The following FRMPD2 variants were observed in gnomAD, a reference collection of about 807,000 sequenced individuals.
FRMPD2 encodes FERM and PDZ domain-containing protein 2.
Under a neutral mutation model 140.1 loss-of-function variants are expected in FRMPD2, and 96 were observed. The observed-to-expected ratio is 0.69, with a 90% confidence interval of 0.58 to 0.81. The LOEUF (loss-of-function observed/expected upper bound fraction) is 0.81. FRMPD2 is among the 40% of genes least tolerant of loss of function. The pLI is 0.00. For missense variants in FRMPD2, 1,240 were observed against 1,447.4 expected, an observed-to-expected ratio of 0.86 and a Z score of 2.32; for synonymous variants, 449 against 547.6, an observed-to-expected ratio of 0.82 and a Z score of 2.52.
chr10:48,204,125 C>T (rs1037599155), intron 14 of FRMPD2, among the ~76,000 whole-genome samples: 3 of 152,110 alleles, frequency 2.0e-5, no homozygotes, highest in Non-Finnish European at 4.4e-5. Context: ...ACCCAGCCCC[C>T]GAAGGAAGCA....
intron 5 of FRMPD2, among the ~76,000 whole-genome samples, chr10:48,241,472 C>T (rs1840103378): frequency 6.6e-6 from 1 of 152,248 alleles, no homozygotes; most frequent in African/African-American, 2.4e-5. Flanking sequence ...TGCAACAGAG[C>T]TCCCCAGGGG....
intron 4 of FRMPD2, among the ~76,000 whole-genome samples, chr10:48,244,358 GGGA>G (rs1287424311): frequency 6.6e-6 from 1 of 152,226 alleles, no homozygotes; most frequent in Non-Finnish European, 1.5e-5. Flanking sequence ...ATCTTTGAGA[GGGA>G]GATATTGTAG....
At chr10:48,220,292 C>T (rs1310823822) in intron 12 of FRMPD2, among the ~76,000 whole-genome samples, 1 of 152,096 alleles carries the variant, frequency 6.6e-6, no homozygotes, top group African/African-American at 2.4e-5. Flanking sequence ...CAAATACTTA[C>T]AATCAATTGA....
intron 17 of FRMPD2, among the ~76,000 whole-genome samples, chr10:48,186,345 G>T (rs1236949894): frequency 6.6e-6 from 1 of 152,210 alleles, no homozygotes; most frequent in Non-Finnish European, 1.5e-5. Flanking sequence ...TTGCCTGGCA[G>T]TTTTCCTGAT....
At chr10:48,259,751 T>A (rs926802159) in intron 1 of FRMPD2, among the ~76,000 whole-genome samples, 1 of 152,008 alleles carries the variant, frequency 6.6e-6, no homozygotes, top group Non-Finnish European at 1.5e-5. Flanking sequence ...CATAGACTTA[T>A]AGAGCAAGTA....
Position 48,194,534 on chromosome 10 carries a change from G to A in FRMPD2, c.1955-1640C>T, listed in dbSNP as rs1838909645. Among the ~76,000 whole-genome samples, 3 of 152,188 alleles carry A rather than the reference G, an allele frequency of 2.0e-5. No homozygotes were observed. The South Asian group carries it at 6.2e-4, about 31-fold the overall frequency. ...GGAGGCAAGGTCGCAGCTCAGAAAGGTTTAGCGAGTTTGAAGCAAGACTGT... is the reference window on the plus strand; with the variant it reads ...GGAGGCAAGGTCGCAGCTCAGAAAGATTTAGCGAGTTTGAAGCAAGACTGT... On this transcript the variant is annotated intron_variant, in intron 15 of 28. Transcript: ENST00000374201.
In FRMPD2 at chr10:48,175,283, T is replaced by G. The variant is rs1191768027; in HGVS notation, c.2990-328A>C. The G allele has an allele frequency of 7.6e-5, 49 of 640,610 alleles. No homozygotes were observed. In the African/African-American group the frequency reaches 8.7e-4, roughly 11 times the overall value. The allele number at this position is 640,610 out of a possible 1,614,324, so 39.7% of individuals were successfully genotyped here. On this transcript the variant is annotated intron_variant, in intron 23 of 28. Coordinates refer to ENST00000374201, the MANE Select transcript of FRMPD2 (RefSeq NM_001018071.4). Reference sequence around the variant, plus strand: ...GAAGTATTTTCAAGTCACTTAGATATTTATATCTCCAGCATGTATTTTTTT... The same window carrying G: ...GAAGTATTTTCAAGTCACTTAGATAGTTATATCTCCAGCATGTATTTTTTT...
chr10:48,249,232 C>A, intron 2 of FRMPD2, 54 bp from the exon 3 acceptor site: 1 of 1,576,330 alleles, frequency 6.3e-7, no homozygotes. Flanking sequence ...TCTGGGGTGC[C>A]AGCATGGGAC....
intron 15 of FRMPD2, chr10:48,199,554 T>C (rs1302929530): frequency 6.6e-6 from 1 of 152,218 alleles, no homozygotes; most frequent in African/African-American, 2.4e-5. Flanking sequence ...TGCATTCAGG[T>C]CACCATGCTG....
chr10:48,239,442 T>A (rs1231968803), intron 7 of FRMPD2, among the ~76,000 whole-genome samples, 163 bp downstream of exon 7: 9 of 152,246 alleles, frequency 5.9e-5, no homozygotes, highest in Non-Finnish European at 2.9e-5. Flanking sequence ...TGGCTTCGGA[T>A]CTGCTTAAAT....
chr10:48,273,299 G>A (rs776145400), intron 1 of FRMPD2, among the ~76,000 whole-genome samples: 2 of 151,934 alleles, frequency 1.3e-5, no homozygotes, highest in Non-Finnish European at 2.9e-5. Flanking sequence ...ATGCAGACAC[G>A]ACACATCCTT....
intron 1 of FRMPD2, among the ~76,000 whole-genome samples, chr10:48,262,464 A>C (rs1373373961): frequency 6.6e-6 from 1 of 152,220 alleles, no homozygotes; most frequent in Admixed American, 6.5e-5. Flanking sequence ...ATGCATATGC[A>C]CTTAACAACA....
rs557217145 is a variant in FRMPD2 at position 48,192,901 on chromosome 10, T to G, written c.1955-7A>C. ...TGCACAAACTTATCATGGTCTGAATTTGGGGAGAAAAACATAGACATACAC... is the reference window on the plus strand; with the variant it reads ...TGCACAAACTTATCATGGTCTGAATGTGGGGAGAAAAACATAGACATACAC... On this transcript the variant is annotated splice_polypyrimidine_tract_variant and splice_region_variant and intron_variant, in intron 15 of 28. Coordinates refer to ENST00000374201, the MANE Select transcript of FRMPD2 (RefSeq NM_001018071.4). 1.1e-5 allele frequency: 18 copies of G among 1,609,302 alleles called. No homozygotes were observed. Among genetic ancestry groups the G allele is most frequent in the Non-Finnish European group, 1.4e-5 (16 of 1,177,116 alleles).
intron 14 of FRMPD2, among the ~76,000 whole-genome samples, chr10:48,204,251 G>A (rs1412749985): frequency 2.0e-5 from 3 of 152,106 alleles, no homozygotes; most frequent in African/African-American, 7.2e-5. Flanking sequence ...CCCTATCAGG[G>A]ATATACTCTA....
intron 1 of FRMPD2, among the ~76,000 whole-genome samples, chr10:48,257,631 T>G (rs1022253665): frequency 1.3e-5 from 2 of 152,092 alleles, no homozygotes; most frequent in African/African-American, 4.8e-5. Flanking sequence ...CCCAGGCTCT[T>G]TGTCTTTCAG....
chr10:48,245,828 A>G (rs1409250404), intron 3 of FRMPD2, among the ~76,000 whole-genome samples: 1 of 152,202 alleles, frequency 6.6e-6, no homozygotes, highest in Non-Finnish European at 1.5e-5. Context: ...TCTTCTCAGG[A>G]AATGATTTTT....
chr10:48,223,007 T>C (rs1839641763), intron 11 of FRMPD2, 116 bp downstream of exon 11: 2 of 928,674 alleles, frequency 2.2e-6, no homozygotes, highest in African/African-American at 3.3e-5. Flanking sequence ...ACAATAGCTA[T>C]TGTTATTTGT....
chr10:48,220,726 T>C (rs1293652303), intron 12 of FRMPD2, among the ~76,000 whole-genome samples: 1 of 151,768 alleles, frequency 6.6e-6, no homozygotes, highest in Non-Finnish European at 1.5e-5. Flanking sequence ...TACAAAGAAC[T>C]CAAACAAATC....
At chr10:48,264,597 A>G (rs1385854692) in intron 1 of FRMPD2, among the ~76,000 whole-genome samples, 2 of 152,118 alleles carry the variant, frequency 1.3e-5, no homozygotes, top group East Asian at 3.8e-4. Context: ...TAAGATCCCT[A>G]TAAGGAAAAC....
Sources: gnomAD v4.1 joint callset for allele counts (sites outside exome capture counted in the v4.1 genomes callset) on GRCh38, gnomAD v4.1.1 for gene constraint, MANE v1.5 for transcripts, NCBI Gene and HGNC (gene_info 2026-07-23, HGNC 2026-07-21) for gene names.